Variants in TCF12 observed in about 807,000 individuals in gnomAD.
TCF12 encodes the protein DNA-binding protein HTF4.
Under a neutral mutation model 86.0 loss-of-function variants are expected in TCF12, and 45 were observed. The observed-to-expected ratio is 0.52, with a 90% CI of 0.41 to 0.67. The LOEUF (loss-of-function observed/expected upper bound fraction) is 0.67, where lower values mean the gene tolerates loss of function less well. Among genes scored for constraint, TCF12 ranks in the 30% least tolerant of loss-of-function variants. The pLI is 0.00. For synonymous variants in TCF12, 330 were observed against 299.6 expected (o/e 1.10, Z -1.05); for missense variants, 881 against 859.9 (o/e 1.02, Z -0.31).
rs1289932072 is a variant in TCF12 at position 57,288,911 on chromosome 15, A to G, written c.*2766A>G. On this transcript the variant is annotated 3_prime_UTR_variant, in exon 21 of 21. Transcript: ENST00000333725. ...CACATTTCCCCATACCCTTTCTCAC[A>G]AAAAAAGTGTCATAATTAAGTAATG... 1 of 151,148 alleles carries G rather than the reference A, an allele frequency of 6.6e-6. No homozygotes were observed. The highest frequency in any genetic ancestry group is 2.5e-5 in the African/African-American group (1 of 40,550). 9.4% of individuals were successfully genotyped at this position (151,148 alleles called of 1,614,324 possible).
chr15:57,075,800 TTCTTTCTCTC>T (rs1195587204), intron 4 of TCF12, among the ~76,000 whole-genome samples: 13 of 20,482 alleles, frequency 6.3e-4, no homozygotes, highest in African/African-American at 1.5e-3. Flanking sequence ...CTTTCTTTCT[TTCTTTCTCTC>T]TCTCTCTCTC....
At chr15:56,961,537 T>TA (rs1215841190) in intron 3 of TCF12, among the ~76,000 whole-genome samples, 2 of 152,200 alleles carry the variant, frequency 1.3e-5, no homozygotes, top group Non-Finnish European at 2.9e-5. Flanking sequence ...ATGCATATGG[T>TA]AAATGTTAAT....
intron 4 of TCF12, among the ~76,000 whole-genome samples, chr15:57,068,515 A>G (rs188838303): frequency 1.3e-5 from 2 of 152,266 alleles, no homozygotes; most frequent in East Asian, 3.9e-4. Context: ...TCAACTGTTT[A>G]TTTCTTTCTT....
chr15:57,231,631 T>C (rs1363300139), intron 9 of TCF12, among the ~76,000 whole-genome samples: 1 of 152,164 alleles, frequency 6.6e-6, no homozygotes, highest in African/African-American at 2.4e-5. Flanking sequence ...AAAGAGTGAA[T>C]ATCATAGAAC....
chr15:57,070,894 G>A (rs2069318223), intron 4 of TCF12, among the ~76,000 whole-genome samples: 1 of 152,122 alleles, frequency 6.6e-6, no homozygotes, highest in African/African-American at 2.4e-5. Context: ...GTATCTATGG[G>A]CAGAGGCAAC....
intron 19 of TCF12, among the ~76,000 whole-genome samples, chr15:57,279,935 C>A (rs12909696): frequency 3.5e-5 from 5 of 142,622 alleles, no homozygotes; most frequent in African/African-American, 8.1e-5. Flanking sequence ...TTCTTGTCGC[C>A]CAGGCTGGAG....
intron 3 of TCF12, among the ~76,000 whole-genome samples, chr15:56,994,575 A>C (rs1055151928): frequency 2.6e-5 from 4 of 152,154 alleles, no homozygotes; most frequent in Non-Finnish European, 5.9e-5. Context: ...AAGCAGCCAG[A>C]GGAAAATGAC....
chr15:56,930,907 T>C (rs2060216523), intron 3 of TCF12, among the ~76,000 whole-genome samples: 1 of 152,190 alleles, frequency 6.6e-6, no homozygotes, highest in Admixed American at 6.6e-5. Context: ...AGTTCCTGTG[T>C]GGTTGCCAGT....
chr15:57,119,304 T>C lies in TCF12; in HGVS notation c.325+27413T>C, dbSNP rs545145250. Among the ~76,000 whole-genome samples the C allele has an allele frequency of 6.6e-5, 10 of 151,488 alleles. No individual in the cohort carries two copies. In the East Asian group the frequency reaches 1.6e-3, roughly 24 times the overall value. On this transcript the variant is annotated intron_variant, in intron 5 of 20. Coordinates refer to ENST00000333725, the MANE Select transcript of TCF12 (RefSeq NM_207037.2). ...TTTGTTTGTTTGTTTTTTTGTTTTT[T>C]TGGCAGCAGGTCGGTGGGTGGGCAG...
chr15:57,009,709 G>A (rs1416222868), intron 3 of TCF12, among the ~76,000 whole-genome samples: 1 of 152,174 alleles, frequency 6.6e-6, no homozygotes, highest in African/African-American at 2.4e-5. Context: ...TTAAGTTCAC[G>A]TAGGACATTT....
intron 3 of TCF12, among the ~76,000 whole-genome samples, chr15:56,921,993 G>A (rs1179178840): frequency 6.6e-6 from 1 of 151,860 alleles, no homozygotes; most frequent in African/African-American, 2.4e-5. Flanking sequence ...TGAAATGAAG[G>A]CATTTTTTGG....
intron 3 of TCF12, among the ~76,000 whole-genome samples, chr15:57,048,150 T>G (rs1210790199): frequency 1.3e-5 from 2 of 152,234 alleles, no homozygotes; most frequent in South Asian, 2.1e-4. Context: ...ATTTACCTTC[T>G]CAATCTATAA....
At chr15:57,049,687 C>A (rs2067482134) in intron 3 of TCF12, among the ~76,000 whole-genome samples, 1 of 152,096 alleles carries the variant, frequency 6.6e-6, no homozygotes, top group African/African-American at 2.4e-5. Context: ...TTGTGTAATT[C>A]TGTTTGTAGA....
At chr15:57,220,620 TTTAAA>T (rs2058546553) in intron 8 of TCF12, among the ~76,000 whole-genome samples, 1 of 152,198 alleles carries the variant, frequency 6.6e-6, no homozygotes, top group African/African-American at 2.4e-5. Context: ...AGTTCTATTC[TTTAAA>T]TTAATTACCT....
rs2060205493 is a variant in TCF12 at position 57,253,347 on chromosome 15, T to C, written c.1346T>C (p.Leu449Ser). ...RNHAVGPSTS[L>S]PAGHSDIHSL... ...CATGCTGTGGGACCTTCCACCAGTT[T>C]GCCTGCTGGTCACAGTGATATACAT... The change falls in exon 16 of 21, where the codon TTG becomes TCG. Residue 449 changes from leucine to serine, a missense_variant. This residue lies in a region of TCF12 where 766 missense variants were observed against 718.9 expected (regional missense o/e 1.07). Coordinates refer to ENST00000333725, the MANE Select transcript of TCF12 (RefSeq NM_207037.2). The C allele has an allele frequency of 6.2e-7, 1 of 1,614,026 alleles. No homozygotes were observed. Among genetic ancestry groups the C allele is most frequent in the Admixed American group, 1.7e-5 (1 of 60,000 alleles).
chr15:57,245,732 G>A (rs2059827685), intron 13 of TCF12, among the ~76,000 whole-genome samples: 1 of 152,134 alleles, frequency 6.6e-6, no homozygotes, highest in African/African-American at 2.4e-5. Flanking sequence ...TTTAATGGGC[G>A]ATGCTGTCTT....
intron 6 of TCF12, among the ~76,000 whole-genome samples, chr15:57,176,459 A>C (rs1251479628): frequency 1.3e-5 from 2 of 152,230 alleles, no homozygotes; most frequent in Admixed American, 6.5e-5. Context: ...CTAGGTTAAC[A>C]ATGATGATAC....
At chr15:57,161,529 T>C (rs1313406307) in intron 5 of TCF12, among the ~76,000 whole-genome samples, 1 of 152,240 alleles carries the variant, frequency 6.6e-6, no homozygotes, top group African/African-American at 2.4e-5. Flanking sequence ...ATGTGTCTGA[T>C]GGTTTAATAT....
chr15:57,018,001 G>T (rs1476971201), intron 3 of TCF12, among the ~76,000 whole-genome samples: 1 of 152,110 alleles, frequency 6.6e-6, no homozygotes, highest in Non-Finnish European at 1.5e-5. Flanking sequence ...GAGGGTTGAG[G>T]TGTTACTGTT....
Sources: allele counts gnomAD v4.1 joint callset (sites outside exome capture counted in the v4.1 genomes callset), GRCh38; gene constraint gnomAD v4.1.1; regional missense constraint gnomAD v4.1.1; transcripts MANE v1.5; gene names NCBI Gene and HGNC (gene_info 2026-07-23, HGNC 2026-07-21).